The following E2F7 variants were observed in gnomAD, a reference collection of about 807,000 sequenced individuals.
E2F7 encodes the protein E2F transcription factor 7, also known as transcription factor E2F7.
Under a neutral mutation model 81.1 loss-of-function variants are expected in E2F7, and 35 were observed. The ratio of observed to expected loss-of-function variants is 0.43; its 90% confidence interval spans 0.33 to 0.57. The LOEUF (loss-of-function observed/expected upper bound fraction) is 0.57. Ranked by LOEUF, E2F7 falls within the 20% of genes least tolerant of loss-of-function variation. The pLI is 0.04. For synonymous variants in E2F7, 416 were observed against 416.2 expected, an observed-to-expected ratio of 1.00 and a Z score of 0.01; for missense variants, 961 against 1,093.7, an observed-to-expected ratio of 0.88 and a Z score of 1.71.
At chr12:77,040,301 T>C (rs1954884601) in intron 7 of E2F7, among the ~76,000 whole-genome samples, 2 of 152,170 alleles carry the variant, frequency 1.3e-5, no homozygotes, top group Admixed American at 1.3e-4. Flanking sequence ...AGCTTTCTTG[T>C]GCTAAGAAAC....
intron 7 of E2F7, among the ~76,000 whole-genome samples, chr12:77,041,760 C>T (rs562161769): frequency 6.6e-6 from 1 of 152,288 alleles, no homozygotes; most frequent in South Asian, 2.1e-4. Flanking sequence ...CAGTACCACC[C>T]CGTCTAGCAT....
chr12:77,043,892 A>G (rs1401675301), intron 6 of E2F7, among the ~76,000 whole-genome samples: 2 of 152,220 alleles, frequency 1.3e-5, no homozygotes, highest in Non-Finnish European at 2.9e-5. Flanking sequence ...TATTCAAGAA[A>G]TTGATTTACA....
At chr12:77,059,006 A>G (rs1955057100) in intron 2 of E2F7, among the ~76,000 whole-genome samples, 1 of 152,204 alleles carries the variant, frequency 6.6e-6, no homozygotes, top group Admixed American at 6.5e-5. Flanking sequence ...TCCAAAAGGT[A>G]TCCTCATGGT....
chr12:77,034,172 A>C, intron 7 of E2F7, 130 bp from the exon 8 acceptor site: 1 of 692,670 alleles, frequency 1.4e-6, no homozygotes. Flanking sequence ...AAACTAAGAC[A>C]ATCAAAGGAA....
rs1592551656 is a variant in E2F7 at position 77,024,068 on chromosome 12, T to C, written c.2683A>G (p.Asn895Asp). The C allele has an allele frequency of 1.2e-6, 2 of 1,614,018 alleles. No homozygotes were observed. The highest frequency in any genetic ancestry group is 1.7e-4 in the Middle Eastern group (1 of 6,054). Reference sequence around the variant, plus strand: ...AGTCTCCTCTGGGCCGAGCTGGTGTTTCGTGACTGGTTCCTTTCTCTTCTC... The same window carrying C: ...AGTCTCCTCTGGGCCGAGCTGGTGTCTCGTGACTGGTTCCTTTCTCTTCTC... ...LKRRERNQSR[N>D]TSSAQRRLEI... The change falls in exon 13 of 13, where the codon AAC becomes GAC. Residue 895 changes from asparagine (N) to aspartate (D), a missense_variant. By Grantham distance (23) the Asn-to-Asp change is conservative. This residue lies in a region of E2F7 where 587 missense variants were observed against 620.3 expected (regional missense o/e 0.95). Coordinates refer to ENST00000322886, the MANE Select transcript of E2F7 (RefSeq NM_203394.3).
intron 2 of E2F7, among the ~76,000 whole-genome samples, chr12:77,058,730 T>C (rs1423219683): frequency 1.3e-5 from 2 of 152,238 alleles, no homozygotes; most frequent in Non-Finnish European, 2.9e-5. Flanking sequence ...GTTCCTGGCA[T>C]ATAGTGAGCG....
At chr12:77,031,142 G>A (rs868677296) in intron 9 of E2F7, among the ~76,000 whole-genome samples, 2 of 152,094 alleles carry the variant, frequency 1.3e-5, no homozygotes, top group South Asian at 2.1e-4. Flanking sequence ...AGGATTGCTC[G>A]AGCCCAGGAG....
At position 77,030,214 on chromosome 12, in the gene E2F7, CTGGG is replaced by C; in HGVS notation, c.1497_1500del (p.His499GlnfsTer19). The C allele has an allele frequency of 6.2e-7, 1 of 1,614,114 alleles. No individual in the cohort carries two copies. The highest frequency in any genetic ancestry group is 8.5e-7 in the Non-Finnish European group (1 of 1,179,980). On this transcript the variant is annotated frameshift_variant, in exon 10 of 13. Coordinates refer to ENST00000322886, the MANE Select transcript of E2F7 (RefSeq NM_203394.3). LOFTEE classifies it high-confidence loss of function. Reference sequence around the variant, plus strand: ...AGGTCCGTCTGAGCAACAGAAAATACTGGGTGGGCTAAAGGATTAACACAATATT... The same window carrying C: ...AGGTCCGTCTGAGCAACAGAAAATACTGGGCTAAAGGATTAACACAATATT...
intron 3 of E2F7, among the ~76,000 whole-genome samples, chr12:77,053,955 A>G (rs1955010260): frequency 6.6e-6 from 1 of 152,170 alleles, no homozygotes; most frequent in African/African-American, 2.4e-5. Context: ...ATTTTACATG[A>G]TCAAATAGTC....
Position 77,030,126 on chromosome 12 carries a change from G to A in E2F7, c.1589C>T (p.Ala530Val), listed in dbSNP as rs778051355. 1.2e-6 allele frequency: 2 copies of A among 1,614,182 alleles called. No homozygotes were observed. Among genetic ancestry groups the A allele is most frequent in the Non-Finnish European group, 1.7e-6 (2 of 1,180,042 alleles). ...TGGCTTCAGGCTCTCCACAGCAGAG[G>A]CTGCAGAAGCAAGTGAGACATCCAC... is the stretch of plus-strand genomic sequence containing the variant. The part of the protein sequence containing the change: ...GQVDVSLASA[A>V]SAVESLKPAL... Residue 530 changes from alanine (A) to valine (V), a missense_variant, in exon 10 of 13, where the codon GCC (alanine) becomes GTC (valine). Around this residue, in one of 3 missense-constraint regions of E2F7, gnomAD observed 587 missense variants for 620.3 expected, o/e 0.95. Coordinates refer to ENST00000322886, the MANE Select transcript of E2F7 (RefSeq NM_203394.3).
intron 4 of E2F7, among the ~76,000 whole-genome samples, chr12:77,047,662 T>C (rs1954954183): frequency 6.6e-6 from 1 of 152,182 alleles, no homozygotes. Context: ...CAAATTACAA[T>C]GAGAACTCCA....
At chr12:77,060,743 A>C (rs1276814759) in intron 2 of E2F7, among the ~76,000 whole-genome samples, 1 of 152,188 alleles carries the variant, frequency 6.6e-6, no homozygotes, top group African/African-American at 2.4e-5. Flanking sequence ...ACATGTTAGA[A>C]AGTGTCTCCT....
intron 2 of E2F7, among the ~76,000 whole-genome samples, chr12:77,060,948 A>G (rs756240017): frequency 3.6e-4 from 55 of 152,334 alleles, no homozygotes; most frequent in Non-Finnish European, 7.1e-4. Flanking sequence ...ACCTCACTGC[A>G]GCAGTTAAGA....
intron 4 of E2F7, among the ~76,000 whole-genome samples, chr12:77,049,843 T>G (rs1019372507): frequency 6.6e-6 from 1 of 152,232 alleles, no homozygotes; most frequent in African/African-American, 2.4e-5. Flanking sequence ...TTTGTGTGTA[T>G]GTAAAACCTT....
chr12:77,050,136 G>A (rs993824181), intron 4 of E2F7, among the ~76,000 whole-genome samples: 2 of 152,058 alleles, frequency 1.3e-5, no homozygotes, highest in Admixed American at 1.3e-4. Flanking sequence ...TCATTGTATA[G>A]GGCTTTAAAC....
intron 10 of E2F7, 71 bp downstream of exon 10, chr12:77,029,760 G>A (rs1954788976): frequency 1.3e-6 from 2 of 1,575,090 alleles, no homozygotes; most frequent in Non-Finnish European, 1.7e-6. Flanking sequence ...ATTAATATCA[G>A]TGTATCTTCA....
intron 4 of E2F7, among the ~76,000 whole-genome samples, chr12:77,047,938 G>A (rs764441028): frequency 1.3e-5 from 2 of 152,100 alleles, no homozygotes; most frequent in African/African-American, 2.4e-5. Context: ...TCATGTGACC[G>A]CAACTGACAC....
intron 11 of E2F7, among the ~76,000 whole-genome samples, chr12:77,026,713 A>T (rs1182206659): frequency 1.3e-5 from 2 of 152,220 alleles, no homozygotes; most frequent in Non-Finnish European, 2.9e-5. Flanking sequence ...AATAGTACAG[A>T]TATGTGCATA....
At position 77,050,851 on chromosome 12, in the gene E2F7, C is replaced by A. The variant is rs550656137; in HGVS notation, c.370-107G>T. 4.6e-6 allele frequency: 5 copies of A among 1,086,210 alleles called. No individual in the cohort carries two copies. In the South Asian group the frequency reaches 7.9e-5, roughly 17 times the overall value. 67.3% of individuals were successfully genotyped at this position (1,086,210 alleles called of 1,614,324 possible). ...AACTGGGGGGACATCTCAATCCATA[C>A]CATCCTAGATTCTAGTTAAAATACA... On this transcript the variant is annotated intron_variant, in intron 3 of 12. Transcript: ENST00000322886.
Sources: gnomAD v4.1 joint callset for allele counts (sites outside exome capture counted in the v4.1 genomes callset) on GRCh38, gnomAD v4.1.1 for gene constraint, gnomAD v4.1.1 regional missense constraint, MANE v1.5 for transcripts, NCBI Gene and HGNC (gene_info 2026-07-23, HGNC 2026-07-21) for gene names.